SEMA6D: variants seen among roughly 807,000 people sequenced by gnomAD.
SEMA6D encodes the protein semaphorin-6D.
A neutral mutation model predicts 106.6 loss-of-function variants in SEMA6D; 35 were observed. The ratio of observed to expected loss-of-function variants is 0.33; its 90% confidence interval spans 0.25 to 0.44. SEMA6D has a LOEUF of 0.44. Ranked by LOEUF, SEMA6D falls within the 20% of genes least tolerant of loss-of-function variation. SEMA6D has a pLI of 1.00. For synonymous variants in SEMA6D, 499 were observed against 487.7 expected (o/e 1.02, Z -0.31); for missense variants, 1,185 against 1,345.9 (o/e 0.88, Z 1.87).
intron 4 of SEMA6D, among the ~76,000 whole-genome samples, chr15:47,606,962 T>C (rs532122752): frequency 1.3e-5 from 2 of 152,282 alleles, no homozygotes; most frequent in African/African-American, 4.8e-5. Context: ...TGCTGCTGAA[T>C]TGTGCCATGA....
At chr15:47,733,343 G>C (rs974392958) in intron 1 of SEMA6D, among the ~76,000 whole-genome samples, 25 of 152,082 alleles carry the variant, frequency 1.6e-4, no homozygotes, top group African/African-American at 5.6e-4. Flanking sequence ...ATAAAACACA[G>C]GTAAGGAGGC....
chr15:47,547,813 A>G lies in SEMA6D; in HGVS notation c.-86-53052A>G, dbSNP rs140955183. Among the ~76,000 whole-genome samples the G allele has an allele frequency of 2.1e-3, 327 of 152,286 alleles. 1 individual carries two copies. The highest frequency in any genetic ancestry group is 7.7e-3 in the African/African-American group (321 of 41,570). The stretch of plus-strand genomic sequence containing the variant: ...TTATTAACATTCGTCTCCTACCTAC[A>G]TGAAAGTAATCAAAATGAAGTCAAG... On this transcript the variant is annotated intron_variant, in intron 3 of 19. Coordinates refer to the SEMA6D transcript ENST00000558014.
intron 4 of SEMA6D, among the ~76,000 whole-genome samples, chr15:47,618,308 T>G (rs576298631): frequency 6.6e-6 from 1 of 152,004 alleles, no homozygotes; most frequent in East Asian, 1.9e-4. Context: ...TCCGAGGAGG[T>G]TTTTGCCTGA....
chr15:47,265,544 T>G (rs1341852053), intron 1 of SEMA6D, among the ~76,000 whole-genome samples: 1 of 151,536 alleles, frequency 6.6e-6, no homozygotes, highest in Non-Finnish European at 1.5e-5. Context: ...TGGACATACT[T>G]ACAATGGCTA....
At chr15:47,563,698 A>G (rs1476151792) in intron 3 of SEMA6D, among the ~76,000 whole-genome samples, 1 of 152,224 alleles carries the variant, frequency 6.6e-6, no homozygotes, top group Non-Finnish European at 1.5e-5. Flanking sequence ...TTATGAGGAC[A>G]GGAAATAAGT....
intron 1 of SEMA6D, among the ~76,000 whole-genome samples, chr15:47,335,054 A>G (rs2037495685): frequency 6.6e-6 from 1 of 152,126 alleles, no homozygotes; most frequent in Admixed American, 6.5e-5. Flanking sequence ...AAAGGCGAAA[A>G]TTATGTCAAG....
At chr15:47,605,718 A>T (rs1469301538) in intron 4 of SEMA6D, among the ~76,000 whole-genome samples, 1 of 152,180 alleles carries the variant, frequency 6.6e-6, no homozygotes, top group East Asian at 1.9e-4. Context: ...CAGGTTTATT[A>T]TAAAGGATAC....
At chr15:47,430,458 T>C (rs1053088261) in intron 2 of SEMA6D, among the ~76,000 whole-genome samples, 1 of 151,816 alleles carries the variant, frequency 6.6e-6, no homozygotes, top group East Asian at 1.9e-4. Flanking sequence ...GGAAAAATAA[T>C]TGTGCTTCCT....
At chr15:47,357,637 C>T (rs1746240291) in intron 1 of SEMA6D, among the ~76,000 whole-genome samples, 1 of 152,134 alleles carries the variant, frequency 6.6e-6, no homozygotes, top group Admixed American at 6.5e-5. Context: ...CATTCTTCTG[C>T]CTGCTTACAT....
At chr15:47,567,838 T>C (rs1303984876) in intron 3 of SEMA6D, among the ~76,000 whole-genome samples, 1 of 151,948 alleles carries the variant, frequency 6.6e-6, no homozygotes, top group Non-Finnish European at 1.5e-5. Flanking sequence ...AATGAACAAA[T>C]GAATTAGTGA....
intron 1 of SEMA6D, among the ~76,000 whole-genome samples, chr15:47,188,038 C>G (rs1367584877): frequency 1.3e-5 from 2 of 152,154 alleles, no homozygotes; most frequent in African/African-American, 2.4e-5. Flanking sequence ...CTTTGCTTTG[C>G]TACATTTGAA....
intron 3 of SEMA6D, among the ~76,000 whole-genome samples, chr15:47,485,403 T>C (rs567763898): frequency 6.6e-6 from 1 of 152,012 alleles, no homozygotes; most frequent in South Asian, 2.1e-4. Context: ...CACAATTAGA[T>C]AGAAACATAA....
At chr15:47,711,025 C>T (rs996789793) in intron 4 of SEMA6D, among the ~76,000 whole-genome samples, 2 of 152,252 alleles carry the variant, frequency 1.3e-5, no homozygotes, top group African/African-American at 4.8e-5. Flanking sequence ...AATGTATAGG[C>T]GTGGCCGGGC....
intron 3 of SEMA6D, among the ~76,000 whole-genome samples, chr15:47,565,513 A>G (rs942799109): frequency 3.3e-5 from 5 of 152,256 alleles, no homozygotes; most frequent in African/African-American, 9.6e-5. Context: ...AGTCAGGGAA[A>G]TATCCTTCTT....
chr15:47,748,989 G>C (rs1046627061), intron 1 of SEMA6D, among the ~76,000 whole-genome samples: 1 of 151,820 alleles, frequency 6.6e-6, no homozygotes, highest in Non-Finnish European at 1.5e-5. Flanking sequence ...GGGCCGTCTA[G>C]GAAGACTCCC....
chr15:47,765,795 G>A (rs1597077671), intron 13 of SEMA6D, 74 bp from the exon 14 acceptor site: 1 of 1,339,942 alleles, frequency 7.5e-7, no homozygotes, highest in East Asian at 2.5e-5. Flanking sequence ...GATTTCCCAG[G>A]TCTCAGTAAT....
chr15:47,646,168 C>G (rs79518089), intron 4 of SEMA6D, among the ~76,000 whole-genome samples: 1 of 152,094 alleles, frequency 6.6e-6, no homozygotes, highest in Non-Finnish European at 1.5e-5. Context: ...TCTAACCTTG[C>G]CTCAGTCTTT....
chr15:47,508,999 G>C (rs1298400285), intron 3 of SEMA6D, among the ~76,000 whole-genome samples: 6 of 151,704 alleles, frequency 4.0e-5, no homozygotes, highest in Non-Finnish European at 8.8e-5. Context: ...TTTTCAAACA[G>C]AGCCCCATTA....
chr15:47,695,606 CT>C (rs1247761406), intron 4 of SEMA6D, among the ~76,000 whole-genome samples: 3 of 152,116 alleles, frequency 2.0e-5, no homozygotes, highest in African/African-American at 7.2e-5. Flanking sequence ...ATATTATCAT[CT>C]GATGTCTGCC....
Sources: allele counts gnomAD v4.1 joint callset (sites outside exome capture counted in the v4.1 genomes callset), GRCh38; gene constraint gnomAD v4.1.1; transcripts MANE v1.5; gene names NCBI Gene and HGNC (gene_info 2026-07-23, HGNC 2026-07-21).